Variants in ERG observed in about 807,000 individuals in gnomAD.
ERG encodes the protein ETS transcription factor ERG, also known as transcriptional regulator ERG.
ERG carries 9 observed loss-of-function variants against 55.3 expected under a neutral mutation model. That is an observed-to-expected ratio of 0.16 (90% CI 0.10 to 0.28). The LOEUF (loss-of-function observed/expected upper bound fraction) is 0.28. Ranked by LOEUF, ERG falls within the 10% of genes least tolerant of loss-of-function variation. The pLI, the probability that ERG is intolerant of heterozygous loss-of-function variation, is 1.00. For missense variants in ERG, 434 were observed against 631.6 expected (o/e 0.69, Z 3.35); for synonymous variants, 223 against 237.3 (o/e 0.94, Z 0.55).
the ERG span, among the ~76,000 whole-genome samples, chr21:38,374,227 C>T: frequency 4.1e-4 from 62 of 152,354 alleles, 1 homozygote; most frequent in East Asian, 0.01. Context: ...GACCCAATGA[C>T]AGATGAATAA....
chr21:38,598,101 C>T (rs1727201509), intron 1 of ERG, among the ~76,000 whole-genome samples: 2 of 152,196 alleles, frequency 1.3e-5, no homozygotes, highest in South Asian at 4.1e-4. Flanking sequence ...GTCCTTTACA[C>T]ATAGCAAGGA....
intron 1 of ERG, among the ~76,000 whole-genome samples, chr21:38,598,091 G>A (rs193250335): frequency 2.6e-5 from 4 of 152,250 alleles, no homozygotes; most frequent in Admixed American, 2.6e-4. Flanking sequence ...GACCAGCCAC[G>A]TCCTTTACAC....
chr21:38,424,623 G>A (rs1358014285), intron 2 of ERG, among the ~76,000 whole-genome samples: 2 of 152,172 alleles, frequency 1.3e-5, no homozygotes, highest in Admixed American at 6.5e-5. Flanking sequence ...GCTGTGGGGC[G>A]GCACCAGGGA....
intron 1 of ERG, among the ~76,000 whole-genome samples, chr21:38,615,463 T>G (rs2060252979): frequency 6.6e-6 from 1 of 151,996 alleles, no homozygotes; most frequent in Admixed American, 6.6e-5. Context: ...TGAAAAAGTC[T>G]TCAAGTAAAG....
chr21:38,535,421 T>C (rs1248345461), intron 2 of ERG, among the ~76,000 whole-genome samples: 1 of 152,204 alleles, frequency 6.6e-6, no homozygotes, highest in Non-Finnish European at 1.5e-5. Flanking sequence ...ATGTTTTATG[T>C]GTTTGCCACA....
chr21:38,456,474 G>A (rs1042527072), intron 1 of ERG, among the ~76,000 whole-genome samples: 7 of 152,128 alleles, frequency 4.6e-5, no homozygotes, highest in Non-Finnish European at 1.0e-4. Flanking sequence ...ATGGCAACAT[G>A]GTAATACCAA....
rs192343202 is a variant in ERG, at chr21:38,488,286, G to A, written c.18+10077C>T. ...TGCTGAGTTCTTTGAGTATTTTAGG[G>A]ACCTGCAGGAGATCTGGGTGGAGCT... On this transcript the variant is annotated intron_variant, in intron 1 of 9. Transcript: ENST00000288319. Among the ~76,000 whole-genome samples the A allele has an allele frequency of 1.3e-3, 197 of 152,266 alleles. 1 individual carries two copies. In the Middle Eastern group the frequency reaches 0.037, roughly 29 times the overall value.
intron 1 of ERG, among the ~76,000 whole-genome samples, chr21:38,479,831 C>A: frequency 6.6e-6 from 1 of 152,196 alleles, no homozygotes; most frequent in African/African-American, 2.4e-5. Context: ...CTTTTTATTT[C>A]TTCAAACTTC....
intron 1 of ERG, among the ~76,000 whole-genome samples, chr21:38,482,698 G>A (rs1211616660): frequency 6.7e-6 from 1 of 148,710 alleles, no homozygotes; most frequent in Non-Finnish European, 1.5e-5. Context: ...TTTTTTTTGA[G>A]ATGGAATCTC....
chr21:38,544,872 C>T (rs776661693), intron 2 of ERG, among the ~76,000 whole-genome samples: 3 of 152,076 alleles, frequency 2.0e-5, no homozygotes, highest in Admixed American at 1.3e-4. Flanking sequence ...GGACCTTTAT[C>T]AACTCAGGGC....
At chr21:38,547,619 C>T (rs2059796420) in intron 2 of ERG, among the ~76,000 whole-genome samples, 1 of 152,218 alleles carries the variant, frequency 6.6e-6, no homozygotes, top group Admixed American at 6.5e-5. Flanking sequence ...TCAAAGTTTG[C>T]TGATTCATGG....
At chr21:38,651,861 T>C (rs950187623) in intron 1 of ERG, among the ~76,000 whole-genome samples, 3 of 152,178 alleles carry the variant, frequency 2.0e-5, no homozygotes, top group Admixed American at 6.5e-5. Flanking sequence ...CCCACTACTG[T>C]GTGACTCCAG....
intron 2 of ERG, among the ~76,000 whole-genome samples, chr21:38,436,201 G>A (rs1039871167): frequency 4.6e-5 from 7 of 151,492 alleles, no homozygotes; most frequent in African/African-American, 1.7e-4. Flanking sequence ...AGTAGAGATG[G>A]GGTTTCACCA....
intron 1 of ERG, among the ~76,000 whole-genome samples, chr21:38,583,565 T>C (rs2060043159): frequency 6.6e-6 from 1 of 152,224 alleles, no homozygotes; most frequent in Non-Finnish European, 1.5e-5. Flanking sequence ...ATAAAAATAC[T>C]TATAGCTATG....
At chr21:38,486,825 A>C (rs1230072380) in intron 1 of ERG, among the ~76,000 whole-genome samples, 1 of 152,198 alleles carries the variant, frequency 6.6e-6, no homozygotes, top group Non-Finnish European at 1.5e-5. Flanking sequence ...CTGAAACTAC[A>C]GGCAGCTGCC....
Position 38,392,438 on chromosome 21 carries a change from G to C in ERG, c.752C>G (p.Pro251Arg), listed in dbSNP as rs1456704165. The C allele has an allele frequency of 6.5e-7, 1 of 1,532,024 alleles. No homozygotes were observed. 94.9% of individuals were successfully genotyped at this position (1,532,024 alleles called of 1,614,324 possible). The stretch of plus-strand genomic sequence containing the variant: ...GGCTGATCTCCTGGGGGGCTCATAT[G>C]GTAAATCTGTAAAGACAAATAAATT... Reference protein sequence around the residue: ...TQRITTRPDLPYEPPRRSAWT... With the variant: ...TQRITTRPDLRYEPPRRSAWT... Residue 251 changes from proline (P) to arginine (R), a missense_variant, in exon 7 of 10, where the codon CCA (proline) becomes CGA (arginine). By Grantham distance (103) the Pro-to-Arg change is moderately radical. Around this residue, in one of 5 missense-constraint regions of ERG, gnomAD observed 99 missense variants for 145.6 expected, o/e 0.68. Transcript: ENST00000288319.
chr21:38,459,631 A>T lies in ERG; in HGVS notation c.19-14010T>A, dbSNP rs369951363. 2.0e-5 allele frequency among the ~76,000 whole-genome samples: 3 copies of T among 152,226 alleles called. No homozygotes were observed. The South Asian group carries it at 6.2e-4, about 32-fold the overall frequency. On this transcript the variant is annotated intron_variant, in intron 1 of 9. Transcript: ENST00000288319. ...GGTGTGGGACTGAGTCAGATGGGCT[A>T]GAGATACCTTTATTCAGAGGATTTA...
At chr21:38,443,094 A>G (rs948062675) in intron 2 of ERG, among the ~76,000 whole-genome samples, 2 of 152,260 alleles carry the variant, frequency 1.3e-5, no homozygotes, top group Non-Finnish European at 2.9e-5. Flanking sequence ...GGCGTGAGCC[A>G]CTGCGCCCGG....
chr21:38,416,787 G>C (rs1352460777), intron 3 of ERG, among the ~76,000 whole-genome samples: 1 of 152,232 alleles, frequency 6.6e-6, no homozygotes, highest in Non-Finnish European at 1.5e-5. Context: ...TGGCTCCCTT[G>C]ACAGGGCAGA....
Sources: gnomAD v4.1 joint callset for allele counts (sites outside exome capture counted in the v4.1 genomes callset) on GRCh38, gnomAD v4.1.1 for gene constraint, gnomAD v4.1.1 regional missense constraint, MANE v1.5 for transcripts, NCBI Gene and HGNC (gene_info 2026-07-23, HGNC 2026-07-21) for gene names.